EYS: variants seen among roughly 807,000 people sequenced by gnomAD.
The protein encoded by EYS is EGF-like photoreceptor maintenance factor.
In EYS, 250 loss-of-function variants were observed where a neutral mutation model predicts 282.1. The observed-to-expected ratio is 0.89, with a 90% CI of 0.80 to 0.98. EYS has a LOEUF of 0.98. EYS is among the 50% of genes least tolerant of loss of function. The pLI, the probability that EYS is intolerant of heterozygous loss-of-function variation, is 0.00. For synonymous variants in EYS, 1,355 were observed against 1,282.9 expected (o/e 1.06, Z -1.20); for missense variants, 4,016 against 3,709.0 (o/e 1.08, Z -2.15).
intron 22 of EYS, among the ~76,000 whole-genome samples, chr6:64,776,302 T>A (rs898474323): frequency 6.6e-6 from 1 of 152,084 alleles, no homozygotes; most frequent in African/African-American, 2.4e-5. Flanking sequence ...AGGATGAGTT[T>A]TAAATTACTC....
intron 35 of EYS, among the ~76,000 whole-genome samples, chr6:63,929,814 G>A (rs190910816): frequency 5.3e-5 from 8 of 152,008 alleles, no homozygotes; most frequent in African/African-American, 1.7e-4. Flanking sequence ...TCCTCTCACT[G>A]TATGATTTTA....
At chr6:64,734,830 T>C (rs1051812865) in intron 22 of EYS, among the ~76,000 whole-genome samples, 1 of 152,184 alleles carries the variant, frequency 6.6e-6, no homozygotes, top group Non-Finnish European at 1.5e-5. Context: ...TTTTTCTTAA[T>C]TTTAATATAT....
intron 22 of EYS, among the ~76,000 whole-genome samples, chr6:64,812,733 G>T (rs1247296040): frequency 6.6e-6 from 1 of 151,706 alleles, no homozygotes; most frequent in East Asian, 1.9e-4. Flanking sequence ...AGACTGAAAG[G>T]AGGTCAAGTA....
At chr6:63,985,568 C>A (rs1217650410) in intron 34 of EYS, among the ~76,000 whole-genome samples, 1 of 151,642 alleles carries the variant, frequency 6.6e-6, no homozygotes, top group Admixed American at 6.6e-5. Flanking sequence ...TCCTTTCTCC[C>A]AAATTTGAAC....
intron 32 of EYS, among the ~76,000 whole-genome samples, chr6:64,067,638 A>G: frequency 6.6e-6 from 1 of 152,234 alleles, no homozygotes; most frequent in Non-Finnish European, 1.5e-5. Context: ...GTTGGTGTTA[A>G]TGTCCTACTT....
intron 29 of EYS, among the ~76,000 whole-genome samples, chr6:64,328,189 C>T (rs192267699): frequency 1.1e-4 from 17 of 152,294 alleles, no homozygotes; most frequent in Non-Finnish European, 2.4e-4. Flanking sequence ...CACAATCCTA[C>T]CTGGGCTGAT....
At chr6:65,400,096 A>G (rs902188929) in intron 7 of EYS, among the ~76,000 whole-genome samples, 1 of 152,048 alleles carries the variant, frequency 6.6e-6, no homozygotes, top group Non-Finnish European at 1.5e-5. Flanking sequence ...TTTACCTGCT[A>G]GGGCCAAACA....
chr6:63,758,437 G>A (rs975528222), intron 41 of EYS, among the ~76,000 whole-genome samples: 3 of 151,972 alleles, frequency 2.0e-5, no homozygotes, highest in African/African-American at 7.2e-5. Context: ...TTACCCAAAT[G>A]TAATCTAACA....
intron 12 of EYS, among the ~76,000 whole-genome samples, chr6:65,058,701 C>T: frequency 6.6e-6 from 1 of 150,754 alleles, no homozygotes; most frequent in South Asian, 2.1e-4. Flanking sequence ...TTCATTCATC[C>T]TCCACCTAGA....
chr6:65,258,765 A>G (rs1476901222), intron 12 of EYS, among the ~76,000 whole-genome samples: 1 of 152,116 alleles, frequency 6.6e-6, no homozygotes, highest in Non-Finnish European at 1.5e-5. Flanking sequence ...AGAGTTTCTC[A>G]AAACACAAAT....
intron 35 of EYS, among the ~76,000 whole-genome samples, chr6:63,890,819 A>G (rs112766841): frequency 0.12 from 17,879 of 152,200 alleles, 1,285 homozygotes; most frequent in African/African-American, 0.19. Flanking sequence ...TGGTTTTTTG[A>G]AAACATTAAC....
chr6:64,377,829 T>C (rs1389107950), intron 29 of EYS: 2 of 152,136 alleles, frequency 1.3e-5, no homozygotes, highest in African/African-American at 2.4e-5. Flanking sequence ...GTTGGAGCTA[T>C]GCTGACTGGG....
chr6:64,623,748 G>T (rs1050011421), intron 23 of EYS, among the ~76,000 whole-genome samples: 1 of 152,038 alleles, frequency 6.6e-6, no homozygotes, highest in Non-Finnish European at 1.5e-5. Context: ...GAGGATGGTG[G>T]TTAATTGCCT....
intron 19 of EYS, among the ~76,000 whole-genome samples, chr6:64,826,695 T>C (rs905324037): frequency 4.0e-5 from 6 of 149,252 alleles, no homozygotes; most frequent in South Asian, 2.1e-4. Flanking sequence ...TATATATATA[T>C]ATATATATCT....
At chr6:64,474,556 G>C (rs1025820431) in intron 26 of EYS, among the ~76,000 whole-genome samples, 4 of 152,118 alleles carry the variant, frequency 2.6e-5, no homozygotes, top group African/African-American at 9.7e-5. Context: ...GAGATGACAG[G>C]CACCACAGAT....
chr6:65,216,336 C>T (rs980913588), intron 12 of EYS, among the ~76,000 whole-genome samples: 1 of 151,818 alleles, frequency 6.6e-6, no homozygotes, highest in African/African-American at 2.4e-5. Context: ...TGTATGAATA[C>T]CCATACATAT....
chr6:65,285,431 C>T (rs931870345), intron 12 of EYS, among the ~76,000 whole-genome samples: 20 of 151,870 alleles, frequency 1.3e-4, no homozygotes, highest in African/African-American at 4.1e-4. Flanking sequence ...ATGTATCTTT[C>T]CTCTCTTGCA....
chr6:64,975,194 T>G (rs2150113239), intron 14 of EYS, among the ~76,000 whole-genome samples: 1 of 151,958 alleles, frequency 6.6e-6, no homozygotes, highest in African/African-American at 2.4e-5. Flanking sequence ...CTGATATTGA[T>G]TAGAAACTGC....
At chr6:64,796,985 T>C (rs1041995159) in intron 22 of EYS, among the ~76,000 whole-genome samples, 4 of 152,134 alleles carry the variant, frequency 2.6e-5, no homozygotes, top group African/African-American at 7.2e-5. Flanking sequence ...ATTTTCATTG[T>C]GAGTGCTTCC....
Sources: allele counts gnomAD v4.1 joint callset (sites outside exome capture counted in the v4.1 genomes callset), GRCh38; gene constraint gnomAD v4.1.1; transcripts MANE v1.5; gene names NCBI Gene and HGNC (gene_info 2026-07-23, HGNC 2026-07-21).